The following PDZK1 variants were observed in gnomAD, a reference collection of about 807,000 sequenced individuals.
PDZK1 encodes the protein Na(+)/H(+) exchange regulatory cofactor NHE-RF3.
In PDZK1, 23 loss-of-function variants were observed where a neutral mutation model predicts 38.1. The ratio of observed to expected loss-of-function variants is 0.60; its 90% CI spans 0.43 to 0.85. PDZK1 has a LOEUF of 0.85. Ranked by LOEUF, PDZK1 falls within the 40% of genes least tolerant of loss-of-function variation. The pLI is 0.00. For synonymous variants in PDZK1, 98 were observed against 186.2 expected (o/e 0.53, Z 3.86); for missense variants, 297 against 504.3 (o/e 0.59, Z 3.94).
intron 8 of PDZK1, chr1:145,671,789 C>G: frequency 3.0e-6 from 1 of 330,516 alleles, no homozygotes; most frequent in Non-Finnish European, 5.8e-6. Flanking sequence ...TAACAAATTC[C>G]TTAATGTCTG....
intron 1 of PDZK1, 127 bp downstream of exon 1, chr1:145,707,190 T>C (rs1656291211): frequency 2.0e-5 from 3 of 152,172 alleles, no homozygotes; most frequent in Admixed American, 6.6e-5. Context: ...TGCCTCCCCA[T>C]GGGACTCTTC....
chr1:145,703,335 G>A (rs1041969440), intron 1 of PDZK1, among the ~76,000 whole-genome samples: 1 of 152,100 alleles, frequency 6.6e-6, no homozygotes, highest in African/African-American at 2.4e-5. Flanking sequence ...GCTGAACAAC[G>A]TTGTGGGTGC....
chr1:145,675,703 A>G (rs1391605135), intron 6 of PDZK1, among the ~76,000 whole-genome samples: 8 of 152,182 alleles, frequency 5.3e-5, no homozygotes, highest in Non-Finnish European at 1.0e-4. Flanking sequence ...TCTCGAGGCA[A>G]AGTGCAATAA....
chr1:145,686,469 A>G lies in PDZK1; in HGVS notation c.460+8T>C, dbSNP rs781800704. ...CCTGCCTCCCCCTGCTCCCCAAAAAATTCTCACCTTGGACAGTTTTCAGAG... is the reference window on the plus strand; with the variant it reads ...CCTGCCTCCCCCTGCTCCCCAAAAAGTTCTCACCTTGGACAGTTTTCAGAG... On this transcript the variant is annotated splice_region_variant and intron_variant, in intron 3 of 8. Transcript: ENST00000417171. 1.9e-6 allele frequency: 3 copies of G among 1,611,490 alleles called. No individual in the cohort carries two copies. In the African/African-American group the frequency reaches 4.0e-5, roughly 22 times the overall value.
At chr1:145,685,838 G>A (rs1654706738) in intron 3 of PDZK1, among the ~76,000 whole-genome samples, 1 of 152,162 alleles carries the variant, frequency 6.6e-6, no homozygotes, top group Admixed American at 6.5e-5. Context: ...GGTGCTTCCT[G>A]ATGGTCAGGG....
chr1:145,684,503 C>T (rs1180596566), intron 3 of PDZK1, among the ~76,000 whole-genome samples: 34 of 152,200 alleles, frequency 2.2e-4, no homozygotes, highest in African/African-American at 7.7e-4. Flanking sequence ...CCACTGCGCC[C>T]GGCCTGAGCT....
chr1:145,702,040 G>T (rs1438710821), intron 1 of PDZK1, among the ~76,000 whole-genome samples: 19 of 152,106 alleles, frequency 1.2e-4, no homozygotes, highest in African/African-American at 4.6e-4. Context: ...GTTACTGTTT[G>T]GTCTTAGCCA....
At position 145,697,051 on chromosome 1, in the gene PDZK1, G is replaced by T. The variant is rs964027552; in HGVS notation, c.-2-9028C>A. On this transcript the variant is annotated intron_variant, in intron 1 of 8. Transcript: ENST00000417171. The stretch of plus-strand genomic sequence containing the variant: ...GGAAAATGAAACAAAAAGGAGGCTG[G>T]ATGCGGTGGCTCACACCTGTAATTC... Among the ~76,000 whole-genome samples, 3 of 152,204 alleles carry T rather than the reference G, an allele frequency of 2.0e-5. No individual in the cohort carries two copies. The South Asian group carries it at 6.2e-4, about 31-fold the overall frequency.
chr1:145,691,358 C>T (rs1655221930), intron 1 of PDZK1, among the ~76,000 whole-genome samples: 1 of 152,108 alleles, frequency 6.6e-6, no homozygotes. Context: ...TTACTCTGTC[C>T]CCTAATTCAG....
chr1:145,676,162 G>C (rs1653645316), intron 6 of PDZK1: 2 of 984,720 alleles, frequency 2.0e-6, no homozygotes, highest in South Asian at 9.4e-5. Flanking sequence ...GCTTACTTTG[G>C]AGAGCGGGGA....
chr1:145,675,832 A>T (rs1249714799), intron 6 of PDZK1, among the ~76,000 whole-genome samples: 1 of 151,304 alleles, frequency 6.6e-6, no homozygotes, highest in East Asian at 2.0e-4. Context: ...GCCTGGCCAA[A>T]ATGGTGAAAC....
chr1:145,673,235 T>A (rs1363195516), intron 7 of PDZK1, among the ~76,000 whole-genome samples: 10 of 152,218 alleles, frequency 6.6e-5, no homozygotes, highest in Non-Finnish European at 1.2e-4. Flanking sequence ...TTATAAATAG[T>A]GGTTCAGCAT....
intron 1 of PDZK1, among the ~76,000 whole-genome samples, chr1:145,697,087 G>A (rs987718029): frequency 9.2e-5 from 14 of 152,154 alleles, no homozygotes; most frequent in African/African-American, 3.4e-4. Context: ...CAGTACTTTG[G>A]GAGGCCGAGG....
intron 3 of PDZK1, among the ~76,000 whole-genome samples, chr1:145,685,258 G>A (rs1319722313): frequency 1.3e-5 from 2 of 152,012 alleles, no homozygotes; most frequent in African/African-American, 4.8e-5. Context: ...GCAAGGGATC[G>A]CTTGCTAATG....
intron 1 of PDZK1, among the ~76,000 whole-genome samples, chr1:145,695,169 C>T (rs1553703937): frequency 6.6e-6 from 1 of 152,028 alleles, no homozygotes; most frequent in African/African-American, 2.4e-5. Flanking sequence ...AATCCCAACA[C>T]TTTGGGAGGC....
chr1:145,671,218 T>TTATC lies in PDZK1; in HGVS notation c.*214_*217dup, dbSNP rs1212049611. The TTATC allele has an allele frequency of 5.4e-6, 6 of 1,107,808 alleles. No homozygotes were observed. The allele number at this position is 1,107,808 out of a possible 1,614,324, so 68.6% of individuals were successfully genotyped here. ...ACATGAAAAAAATCTAGCTCTTGCCTTATCTCTTCCTAAGTTAAGCATAAA... is the reference window on the plus strand; with the variant it reads ...ACATGAAAAAAATCTAGCTCTTGCCTTATCTATCTCTTCCTAAGTTAAGCATAAA... On this transcript the variant is annotated 3_prime_UTR_variant, in exon 9 of 9. Coordinates refer to ENST00000417171, the MANE Select transcript of PDZK1 (RefSeq NM_001201325.2).
intron 1 of PDZK1, among the ~76,000 whole-genome samples, chr1:145,700,538 T>G (rs1655899866): frequency 6.6e-6 from 1 of 152,052 alleles, no homozygotes. Flanking sequence ...AGCTAGTGAA[T>G]AGGCTCACTC....
At chr1:145,698,886 C>A (rs797024117) in intron 1 of PDZK1, among the ~76,000 whole-genome samples, 5 of 152,060 alleles carry the variant, frequency 3.3e-5, no homozygotes, top group African/African-American at 1.2e-4. Flanking sequence ...CTGCAGTAAG[C>A]CAAGATTGCA....
intron 1 of PDZK1, among the ~76,000 whole-genome samples, chr1:145,705,406 C>A (rs1286211061): frequency 6.6e-6 from 1 of 151,986 alleles, no homozygotes; most frequent in African/African-American, 2.4e-5. Flanking sequence ...GAGATGATTT[C>A]TGATGGTACA....
Sources: allele counts gnomAD v4.1 joint callset (sites outside exome capture counted in the v4.1 genomes callset), GRCh38; gene constraint gnomAD v4.1.1; transcripts MANE v1.5; gene names NCBI Gene and HGNC (gene_info 2026-07-23, HGNC 2026-07-21).